NIN: variants seen among roughly 807,000 people sequenced by gnomAD.
The protein encoded by NIN is glycogen synthase kinase 3 beta-interacting protein.
A neutral mutation model predicts 257.6 loss-of-function variants in NIN; 137 were observed. That is an observed-to-expected ratio of 0.53 (90% confidence interval 0.46 to 0.61). The LOEUF (loss-of-function observed/expected upper bound fraction) is 0.61, where lower values mean the gene tolerates loss of function less well. Ranked by LOEUF, NIN falls within the 20% of genes least tolerant of loss-of-function variation. The pLI is 0.00. For missense variants in NIN, 2,439 were observed against 2,501.2 expected (o/e 0.98, Z 0.53); for synonymous variants, 918 against 919.8 (o/e 1.00, Z 0.04).
chr14:50,776,975 A>G lies in NIN; in HGVS notation c.640T>C (p.Tyr214His), dbSNP rs1274698146. Residue 214 changes from tyrosine to histidine, a missense_variant, in exon 7 of 31, where the codon TAT becomes CAT. Tyr to His is a moderately conservative substitution (Grantham distance 83). This residue lies in a region of NIN where 387 missense variants were observed against 427.3 expected (regional missense o/e 0.91). Coordinates refer to ENST00000530997, the MANE Select transcript of NIN (RefSeq NM_020921.4). ...RKKLVSICEQ[Y>H]GLQNVDGEML... ...TCTCCATCCACATTCTGTAAACCAT[A>G]CTGCTCACAGATGGAGACCAGCTTC... The G allele has an allele frequency of 7.4e-6, 12 of 1,613,678 alleles. No individual in the cohort carries two copies. The highest frequency in any genetic ancestry group is 9.3e-6 in the Non-Finnish European group (11 of 1,179,862).
intron 4 of NIN, among the ~76,000 whole-genome samples, chr14:50,798,975 C>T (rs1055251566): frequency 1.3e-5 from 2 of 152,222 alleles, no homozygotes; most frequent in Non-Finnish European, 2.9e-5. Context: ...GACGGGGTTT[C>T]ACCACGTTGG....
At chr14:50,826,958 C>T (rs2045483555) in intron 2 of NIN, among the ~76,000 whole-genome samples, 1 of 152,196 alleles carries the variant, frequency 6.6e-6, no homozygotes, top group African/African-American at 2.4e-5. Flanking sequence ...CAGTGACCAC[C>T]AGTGACTCAT....
chr14:50,829,668 C>T (rs894317438), intron 2 of NIN, among the ~76,000 whole-genome samples: 3 of 152,218 alleles, frequency 2.0e-5, no homozygotes, highest in Non-Finnish European at 4.4e-5. Flanking sequence ...GAAAGCAGAT[C>T]TCATAATATC....
At chr14:50,829,597 T>C (rs781352963) in intron 2 of NIN, among the ~76,000 whole-genome samples, 1 of 152,222 alleles carries the variant, frequency 6.6e-6, no homozygotes, top group African/African-American at 2.4e-5. Context: ...AGTTGAGCTG[T>C]ATGGCAAGCC....
chr14:50,778,704 G>A, intron 6 of NIN, 61 bp downstream of exon 6: 1 of 1,442,624 alleles, frequency 6.9e-7, no homozygotes, highest in Non-Finnish European at 9.8e-7. Flanking sequence ...GAAAGACCGG[G>A]TGTGGAGAGC....
At chr14:50,745,953 G>A (rs973653032) in intron 22 of NIN, among the ~76,000 whole-genome samples, 3 of 150,966 alleles carry the variant, frequency 2.0e-5, no homozygotes, top group African/African-American at 7.3e-5. Context: ...AAAGGATCCA[G>A]GTCTCTGATA....
chr14:50,803,641 C>CT (rs1034322891), intron 4 of NIN, among the ~76,000 whole-genome samples: 154 of 152,326 alleles, frequency 1.0e-3, no homozygotes, highest in African/African-American at 3.6e-3. Flanking sequence ...CTGCCACTAG[C>CT]TGTAAGACTT....
At chr14:50,740,456 C>A (rs999293555) in intron 25 of NIN, among the ~76,000 whole-genome samples, 2 of 152,036 alleles carry the variant, frequency 1.3e-5, no homozygotes, top group Non-Finnish European at 2.9e-5. Context: ...TCAAGCGATT[C>A]TCCTGCCTTA....
intron 19 of NIN, 38 bp from the exon 20 acceptor site, chr14:50,754,670 C>A: frequency 6.3e-7 from 1 of 1,591,968 alleles, no homozygotes; most frequent in Non-Finnish European, 8.5e-7. Context: ...AATGGTTAGG[C>A]TTTAAAAGCT....
At chr14:50,766,182 T>G in intron 14 of NIN, 125 bp downstream of exon 14, 1 of 695,852 alleles carries the variant, frequency 1.4e-6, no homozygotes, top group South Asian at 1.7e-5. Flanking sequence ...TACCATTTTA[T>G]GCATGAGGAA....
chr14:50,774,432 G>C (rs150812727), intron 7 of NIN, among the ~76,000 whole-genome samples: 62 of 152,236 alleles, frequency 4.1e-4, no homozygotes, highest in African/African-American at 1.4e-3. Context: ...ACTTCCTCTG[G>C]AGGGAACTCT....
intron 28 of NIN, among the ~76,000 whole-genome samples, chr14:50,731,258 A>C (rs1241153755): frequency 6.6e-6 from 1 of 152,136 alleles, no homozygotes; most frequent in Non-Finnish European, 1.5e-5. Flanking sequence ...GGCCAGGCGC[A>C]GTGGCTCATG....
At position 50,720,792 on chromosome 14, in the gene NIN, AT is replaced by A; in HGVS notation, c.*2670del. On this transcript the variant is annotated 3_prime_UTR_variant, in exon 31 of 31. Coordinates refer to ENST00000530997, the MANE Select transcript of NIN (RefSeq NM_020921.4). ...GAGAGAGGTGGGTTTTACTATCCAC[AT>A]TTTCCTTTTCTTAGTGTAACGTATT... 1 of 202,114 alleles carries A rather than the reference AT, an allele frequency of 4.9e-6. No individual in the cohort carries two copies. The highest frequency in any genetic ancestry group is 1.0e-5 in the Non-Finnish European group (1 of 98,274). The allele number at this position is 202,114 out of a possible 1,614,324, so 12.5% of individuals were successfully genotyped here. A position where few individuals can be genotyped will look rare whatever the true frequency, so the allele number is the denominator to read the frequency against.
Position 50,761,922 on chromosome 14 carries a change from A to G in NIN, c.1775-11T>C. 1.2e-6 allele frequency: 2 copies of G among 1,613,966 alleles called. No homozygotes were observed. Among genetic ancestry groups the G allele is most frequent in the East Asian group, 2.2e-5 (1 of 44,872 alleles). On this transcript the variant is annotated splice_polypyrimidine_tract_variant and intron_variant, in intron 15 of 30. Coordinates refer to ENST00000530997, the MANE Select transcript of NIN (RefSeq NM_020921.4). ...CTTCAGAACCGAGCCCTGAAAACAC[A>G]TGGGACTCATTGATCCTGCAGCAGG... is the stretch of plus-strand genomic sequence containing the variant.
In NIN at chr14:50,725,958, C is replaced by G. The variant is rs767270040; in HGVS notation, c.6187G>C (p.Glu2063Gln). Residue 2063 changes from glutamate to glutamine, a missense_variant, in exon 30 of 31, where the codon GAA becomes CAA. This residue lies in a region of NIN where 2,043 missense variants were observed against 2,050.2 expected (regional missense o/e 1.00). Coordinates refer to ENST00000530997, the MANE Select transcript of NIN (RefSeq NM_020921.4). Reference protein sequence around the residue: ...LLQEKVNQLKEQLCKNTKADA... With the variant: ...LLQEKVNQLKQQLCKNTKADA... ...AGATGACCGGGTAGGCTCACTTGTT[C>G]TTTGAGCTGATTCACTTTCTCTTGA... 1 of 1,613,910 alleles carries G rather than the reference C, an allele frequency of 6.2e-7. No individual in the cohort carries two copies. Among genetic ancestry groups the G allele is most frequent in the Admixed American group, 1.7e-5 (1 of 59,998 alleles).
chr14:50,801,627 A>C (rs892933176), intron 4 of NIN, among the ~76,000 whole-genome samples: 3 of 152,218 alleles, frequency 2.0e-5, no homozygotes, highest in African/African-American at 7.2e-5. Flanking sequence ...AATCACTGAA[A>C]TCAATAGCTA....
At chr14:50,811,065 C>A (rs2044574601) in intron 3 of NIN, among the ~76,000 whole-genome samples, 2 of 151,242 alleles carry the variant, frequency 1.3e-5, no homozygotes, top group South Asian at 4.2e-4. Context: ...TGTATCCATG[C>A]TTAGTGTTGA....
At chr14:50,793,368 C>A (rs1175139474) in intron 4 of NIN, among the ~76,000 whole-genome samples, 2 of 151,514 alleles carry the variant, frequency 1.3e-5, no homozygotes, top group Non-Finnish European at 2.9e-5. Context: ...CTCTGTTAAC[C>A]ATTCCACTCT....
At chr14:50,819,581 G>A (rs982625897) in intron 3 of NIN, among the ~76,000 whole-genome samples, 5 of 152,200 alleles carry the variant, frequency 3.3e-5, no homozygotes, top group Non-Finnish European at 5.9e-5. Context: ...GGAACTGGGA[G>A]TCACTTAAAC....
Sources: gnomAD v4.1 joint callset for allele counts (sites outside exome capture counted in the v4.1 genomes callset) on GRCh38, gnomAD v4.1.1 for gene constraint, gnomAD v4.1.1 regional missense constraint, MANE v1.5 for transcripts, NCBI Gene and HGNC (gene_info 2026-07-23, HGNC 2026-07-21) for gene names.